The following ELAVL4 variants were observed in gnomAD, a reference collection of about 807,000 sequenced individuals.
The protein encoded by ELAVL4 is ELAV like RNA binding protein 4, also known as ELAV-like protein 4.
A neutral mutation model predicts 35.6 loss-of-function variants in ELAVL4; 1 was observed. The observed-to-expected ratio is 0.03, with a 90% CI of 0.01 to 0.13. ELAVL4 has a LOEUF of 0.13. ELAVL4 is among the 10% of genes least tolerant of loss of function. ELAVL4 has a pLI of 1.00. For missense variants in ELAVL4, 267 were observed against 464.9 expected (o/e 0.57, Z 3.91); for synonymous variants, 156 against 171.0 (o/e 0.91, Z 0.69).
At chr1:50,145,343 A>G (rs1557777223) in intron 2 of ELAVL4, 146 bp downstream of exon 2, 3 of 1,227,986 alleles carry the variant, frequency 2.4e-6, no homozygotes, top group East Asian at 2.4e-5. Flanking sequence ...CTCACACTAC[A>G]TACACCACAT....
intron 1 of ELAVL4, among the ~76,000 whole-genome samples, chr1:50,076,978 T>C (rs1207382975): frequency 6.6e-6 from 1 of 152,054 alleles, no homozygotes; most frequent in Non-Finnish European, 1.5e-5. Context: ...GTACTTCCTA[T>C]TATATTTGTC....
intron 2 of ELAVL4, among the ~76,000 whole-genome samples, chr1:50,175,284 A>T (rs561814996): frequency 6.6e-6 from 1 of 152,240 alleles, no homozygotes; most frequent in Admixed American, 6.5e-5. Context: ...TGATATTTTT[A>T]AACCAATGAA....
chr1:50,061,276 T>A (rs1194356212), intron 1 of ELAVL4, among the ~76,000 whole-genome samples: 2 of 152,226 alleles, frequency 1.3e-5, no homozygotes, highest in East Asian at 3.8e-4. Context: ...TCTTTGGTAT[T>A]GTTTTTAACC....
chr1:50,118,588 C>T (rs991569269), intron 1 of ELAVL4, among the ~76,000 whole-genome samples: 24 of 151,930 alleles, frequency 1.6e-4, no homozygotes, highest in Non-Finnish European at 4.4e-5. Flanking sequence ...TAATGGGTCG[C>T]GTCAGGACTG....
intron 2 of ELAVL4, among the ~76,000 whole-genome samples, chr1:50,146,415 T>C (rs1359253835): frequency 1.3e-5 from 2 of 152,192 alleles, no homozygotes; most frequent in African/African-American, 4.8e-5. Context: ...TGGAAGATAA[T>C]GCTTGTCTCA....
chr1:50,136,389 A>T (rs1671890874), intron 1 of ELAVL4, among the ~76,000 whole-genome samples: 1 of 152,174 alleles, frequency 6.6e-6, no homozygotes. Context: ...GGAAATTCCT[A>T]CAAAGAGAAT....
intron 1 of ELAVL4, among the ~76,000 whole-genome samples, chr1:50,093,599 G>C (rs1449852302): frequency 1.3e-5 from 2 of 152,186 alleles, no homozygotes; most frequent in African/African-American, 2.4e-5. Context: ...GAGACTCCTT[G>C]CACTCTCAAA....
At chr1:50,104,928 CA>C (rs1320881571), upstream of ELAVL4, among the ~76,000 whole-genome samples, 2 of 152,062 alleles carry the variant, frequency 1.3e-5, no homozygotes, top group Admixed American at 1.3e-4. Flanking sequence ...GCTATACATC[CA>C]AAATAGTATA....
chr1:50,186,097 C>T (rs536555173), intron 3 of ELAVL4, among the ~76,000 whole-genome samples: 1 of 152,238 alleles, frequency 6.6e-6, no homozygotes, highest in Non-Finnish European at 1.5e-5. Context: ...ACACATGAAT[C>T]TATCGTCACA....
chr1:50,167,142 A>G (rs1025916417), intron 2 of ELAVL4, among the ~76,000 whole-genome samples: 2 of 152,214 alleles, frequency 1.3e-5, no homozygotes, highest in African/African-American at 4.8e-5. Flanking sequence ...AGCCTTCTGG[A>G]GAACTTTGCC....
At chr1:50,165,762 G>GTGTGTATATA (rs150491047) in intron 2 of ELAVL4, among the ~76,000 whole-genome samples, 140,315 of 148,650 alleles carry the variant, frequency 0.94, 66,704 homozygotes, top group Non-Finnish European at 1. Context: ...ATGTGTATAT[G>GTGTGTATATA]TGTGTATATG....
chr1:50,115,764 AGACT>A (rs1180787424), intron 1 of ELAVL4, among the ~76,000 whole-genome samples: 3 of 152,152 alleles, frequency 2.0e-5, no homozygotes, highest in African/African-American at 7.2e-5. Flanking sequence ...TTCATAATAG[AGACT>A]GACTGTCATT....
intron 3 of ELAVL4, among the ~76,000 whole-genome samples, chr1:50,186,326 G>T (rs947288328): frequency 6.6e-5 from 10 of 152,264 alleles, no homozygotes; most frequent in Middle Eastern, 3.4e-3. Context: ...CCCTGATAAA[G>T]CTTTGAGACT....
intron 1 of ELAVL4, among the ~76,000 whole-genome samples, chr1:50,081,339 A>C (rs1664996436): frequency 6.6e-6 from 1 of 152,212 alleles, no homozygotes; most frequent in Non-Finnish European, 1.5e-5. Flanking sequence ...AAGGTTATGA[A>C]CAGCACATGG....
At chr1:50,117,392 C>T (rs1178098552) in intron 1 of ELAVL4, among the ~76,000 whole-genome samples, 1 of 152,102 alleles carries the variant, frequency 6.6e-6, no homozygotes, top group Non-Finnish European at 1.5e-5. Context: ...TGCCTCTGGC[C>T]TCCGAGGAAC....
chr1:50,185,725 G>A (rs1007737606), intron 3 of ELAVL4, among the ~76,000 whole-genome samples: 1 of 152,154 alleles, frequency 6.6e-6, no homozygotes, highest in Admixed American at 6.6e-5. Context: ...CATGAGGAGA[G>A]GGGGGGACTT....
At position 50,143,554 on chromosome 1, in the gene ELAVL4, G is replaced by A. The variant is rs566970557; in HGVS notation, c.10-1403G>A. Reference sequence around the variant, plus strand: ...GTTCTTACCGCTTTGCCATACGGTGGCATTGTTCCCATTTTTCAAATGAGG... The same window carrying A: ...GTTCTTACCGCTTTGCCATACGGTGACATTGTTCCCATTTTTCAAATGAGG... On this transcript the variant is annotated intron_variant, in intron 1 of 6. Transcript: ENST00000371824. Among the ~76,000 whole-genome samples the A allele has an allele frequency of 7.4e-4, 112 of 152,258 alleles. 1 individual carries two copies. Among genetic ancestry groups the A allele is most frequent in the Admixed American group, 1.8e-3 (28 of 15,282 alleles).
At chr1:50,095,338 C>T (rs966589441) in intron 1 of ELAVL4, among the ~76,000 whole-genome samples, 1 of 152,000 alleles carries the variant, frequency 6.6e-6, no homozygotes, top group Non-Finnish European at 1.5e-5. Context: ...CCACCCTTCC[C>T]CCAACTAGGA....
intron 3 of ELAVL4, among the ~76,000 whole-genome samples, chr1:50,189,621 T>C (rs1682366391): frequency 6.6e-6 from 1 of 152,170 alleles, no homozygotes. Flanking sequence ...TTGTTTGTTT[T>C]TTGGGGGTTT....
Sources: gnomAD v4.1 joint callset for allele counts (sites outside exome capture counted in the v4.1 genomes callset) on GRCh38, gnomAD v4.1.1 for gene constraint, MANE v1.5 for transcripts, NCBI Gene and HGNC (gene_info 2026-07-23, HGNC 2026-07-21) for gene names.